The following UBAP2L variants were observed in gnomAD, a reference collection of about 807,000 sequenced individuals.
UBAP2L encodes the protein ubiquitin associated protein 2 like, also known as ubiquitin-associated protein 2-like.
UBAP2L carries 12 observed loss-of-function variants against 130.6 expected under a neutral mutation model. That is an observed-to-expected ratio of 0.09 (90% confidence interval 0.06 to 0.15). The LOEUF is 0.15. Ranked by LOEUF, UBAP2L falls within the 10% of genes least tolerant of loss-of-function variation. UBAP2L has a pLI of 1.00. For missense variants in UBAP2L, 965 were observed against 1,332.5 expected, an observed-to-expected ratio of 0.72 and a Z score of 4.29; for synonymous variants, 503 against 524.7, an observed-to-expected ratio of 0.96 and a Z score of 0.57.
chr1:154,252,650 C>T (rs1678134932), intron 14 of UBAP2L, among the ~76,000 whole-genome samples: 1 of 152,070 alleles, frequency 6.6e-6, no homozygotes, highest in South Asian at 2.1e-4. Context: ...ACCTCTGCCT[C>T]CCAGGTTTAA....
intron 10 of UBAP2L, 46 bp from the exon 11 acceptor site, chr1:154,246,158 G>A (rs760617285): frequency 1.3e-6 from 2 of 1,539,582 alleles, no homozygotes; most frequent in Admixed American, 1.9e-5. Context: ...GGGAATGTTA[G>A]CGTGTTCAGT....
chr1:154,270,404 C>G lies in UBAP2L; in HGVS notation c.*109C>G. Reference sequence around the variant, plus strand: ...AATGTGGGGGGTTTCCGCTGCCCCCCACCCCCAGCGGCCCACCCCATGCCT... The same window carrying G: ...AATGTGGGGGGTTTCCGCTGCCCCCGACCCCCAGCGGCCCACCCCATGCCT... On this transcript the variant is annotated 3_prime_UTR_variant, in exon 27 of 27. Coordinates refer to ENST00000428931, the MANE Select transcript of UBAP2L (RefSeq NM_014847.4). The G allele has an allele frequency of 6.5e-7, 1 of 1,541,548 alleles. No individual in the cohort carries two copies. The highest frequency in any genetic ancestry group is 2.4e-5 in the East Asian group (1 of 41,020).
chr1:154,241,885 C>A, intron 9 of UBAP2L: 2 of 451,784 alleles, frequency 4.4e-6, no homozygotes, highest in Non-Finnish European at 5.8e-6. Context: ...GCAGGTAGTG[C>A]ATTGAGTAAC....
At position 154,270,758 on chromosome 1, in the gene UBAP2L, GGTTTTTTTTTT is replaced by G. The variant is rs1471283295; in HGVS notation, c.*475_*485del. On this transcript the variant is annotated 3_prime_UTR_variant, in exon 27 of 27. Coordinates refer to ENST00000428931, the MANE Select transcript of UBAP2L (RefSeq NM_014847.4). ...CATTGTCAGATGAATTAGTTGAAGT[GGTTTTTTTTTT>G]GTTTTTTTTTTTTTTTTGTACTGTG... 5.9e-6 allele frequency: 8 copies of G among 1,351,974 alleles called. 1 individual carries two copies. The highest frequency in any genetic ancestry group is 6.4e-5 in the Admixed American group (2 of 31,482). The allele number at this position is 1,351,974 out of a possible 1,614,324, so 83.7% of individuals were successfully genotyped here. A position where few individuals can be genotyped will look rare whatever the true frequency, so the allele number is the denominator to read the frequency against.
At chr1:154,252,723 C>A (rs569266706) in intron 14 of UBAP2L, among the ~76,000 whole-genome samples, 35 of 151,786 alleles carry the variant, frequency 2.3e-4, no homozygotes, top group Non-Finnish European at 4.7e-4. Context: ...CCATGCCCAG[C>A]TAATTTTGTA....
In UBAP2L at chr1:154,246,111, A is replaced by G. The variant is rs189403597; in HGVS notation, c.843-93A>G. On this transcript the variant is annotated intron_variant, in intron 10 of 26. Coordinates refer to ENST00000428931, the MANE Select transcript of UBAP2L (RefSeq NM_014847.4). ...AACCCTTTTAGAAGAAGCCCCAGCA[A>G]GTGGCTTCATTTTGATCTAATCTGA... 52 of 1,383,752 alleles carry G rather than the reference A, an allele frequency of 3.8e-5. No individual in the cohort carries two copies. The African/African-American group carries it at 6.9e-4, about 18-fold the overall frequency. The allele number at this position is 1,383,752 out of a possible 1,614,324, so 85.7% of individuals were successfully genotyped here.
intron 11 of UBAP2L, among the ~76,000 whole-genome samples, chr1:154,247,189 T>TA (rs1675821301): frequency 6.6e-6 from 1 of 152,204 alleles, no homozygotes; most frequent in Non-Finnish European, 1.5e-5. Context: ...TTTTTCCAGT[T>TA]AGAGTAATTA....
Position 154,225,113 on chromosome 1 carries a change from A to G in UBAP2L, c.-11A>G. 1 of 1,613,782 alleles carries G rather than the reference A, an allele frequency of 6.2e-7. No homozygotes were observed. The highest frequency in any genetic ancestry group is 1.1e-5 in the South Asian group (1 of 91,074). ...CTACCTTGTAAATACTGTTATTTGT[A>G]TATACTGTAAATGATGACATCGGTG... is the stretch of plus-strand genomic sequence containing the variant. On this transcript the variant is annotated 5_prime_UTR_variant, in exon 2 of 27. Coordinates refer to ENST00000428931, the MANE Select transcript of UBAP2L (RefSeq NM_014847.4).
intron 23 of UBAP2L, among the ~76,000 whole-genome samples, chr1:154,261,373 TG>T (rs1470965606): frequency 6.6e-6 from 1 of 152,240 alleles, no homozygotes; most frequent in Non-Finnish European, 1.5e-5. Context: ...ATTCATTCCC[TG>T]CTGCCATTGT....
chr1:154,249,128 A>G lies in UBAP2L; in HGVS notation c.1015-111A>G, dbSNP rs16835909. 15,952 of 981,390 alleles carry G rather than the reference A, an allele frequency of 0.016. 1,637 individuals are homozygous for G. In the African/African-American group the frequency reaches 0.23, roughly 14 times the overall value. The allele number at this position is 981,390 out of a possible 1,614,324, so 60.8% of individuals were successfully genotyped here. On this transcript the variant is annotated intron_variant, in intron 11 of 26. Coordinates refer to ENST00000428931, the MANE Select transcript of UBAP2L (RefSeq NM_014847.4). Reference sequence around the variant, plus strand: ...TATGCTGTATACTCAGTGTGACAGTATTCTTTACTTGCCTGATCTATACTG... The same window carrying G: ...TATGCTGTATACTCAGTGTGACAGTGTTCTTTACTTGCCTGATCTATACTG...
Position 154,225,223 on chromosome 1 carries a change from C to A in UBAP2L, c.90+10C>A. The A allele has an allele frequency of 6.2e-7, 1 of 1,613,676 alleles. No individual in the cohort carries two copies. On this transcript the variant is annotated intron_variant, in intron 2 of 26. Coordinates refer to ENST00000428931, the MANE Select transcript of UBAP2L (RefSeq NM_014847.4). ...CAAGCAGCGGCCACAGGTAAATAAT[C>A]CAAGGCATACGGATTCATGGATAGC...
intron 11 of UBAP2L, among the ~76,000 whole-genome samples, chr1:154,248,268 A>G (rs1025183927): frequency 1.3e-5 from 2 of 152,122 alleles, no homozygotes; most frequent in African/African-American, 4.8e-5. Flanking sequence ...CATTCGGCCC[A>G]GTGATTACCC....
Position 154,235,655 on chromosome 1 carries a change from G to A in UBAP2L, c.544+364G>A, listed in dbSNP as rs565640360. Among the ~76,000 whole-genome samples the A allele has an allele frequency of 2.3e-4, 35 of 152,284 alleles. No individual in the cohort carries two copies. In the South Asian group the frequency reaches 7.3e-3, roughly 32 times the overall value. On this transcript the variant is annotated intron_variant, in intron 6 of 26. Coordinates refer to ENST00000428931, the MANE Select transcript of UBAP2L (RefSeq NM_014847.4). The stretch of plus-strand genomic sequence containing the variant: ...CTCCCAAGTAGCTGGGATTACAAGC[G>A]TGCGTCACTACGCCCAGCTAATTTT...
intron 8 of UBAP2L, among the ~76,000 whole-genome samples, chr1:154,237,667 T>G (rs1221537582): frequency 1.3e-5 from 2 of 152,194 alleles, no homozygotes; most frequent in Non-Finnish European, 2.9e-5. Flanking sequence ...TTTCCCTTTA[T>G]TTTTGGGACA....
chr1:154,235,385 C>G (rs985190746), intron 6 of UBAP2L, 94 bp downstream of exon 6: 2 of 616,922 alleles, frequency 3.2e-6, no homozygotes. Flanking sequence ...GAGGTAGTCT[C>G]ACTCTCACCC....
At chr1:154,260,814 CAT>C (rs774715386) in intron 22 of UBAP2L, 76 bp from the exon 23 acceptor site, 1 of 1,371,826 alleles carries the variant, frequency 7.3e-7, no homozygotes, top group Non-Finnish European at 1.0e-6. Context: ...CTCCTGGAAT[CAT>C]GTGAAATCAG....
At position 154,238,833 on chromosome 1, in the gene UBAP2L, T is replaced by G. The variant is rs919990283; in HGVS notation, c.703+1697T>G. ...TTGGCTCACTACAGCCTCTGCCTCCTGAGTTCAAGCTATTCTCATGTCTCA... is the reference window on the plus strand; with the variant it reads ...TTGGCTCACTACAGCCTCTGCCTCCGGAGTTCAAGCTATTCTCATGTCTCA... On this transcript the variant is annotated intron_variant, in intron 8 of 26. Transcript: ENST00000428931. Among the ~76,000 whole-genome samples, 8 of 152,048 alleles carry G rather than the reference T, an allele frequency of 5.3e-5. No homozygotes were observed. In the South Asian group the frequency reaches 8.3e-4, roughly 16 times the overall value.
At chr1:154,221,281 G>T (rs1328873231) in intron 1 of UBAP2L, 2 of 152,956 alleles carry the variant, frequency 1.3e-5, no homozygotes, top group Non-Finnish European at 2.9e-5. Context: ...CTCGATTTGG[G>T]AGCGTGGCCG....
intron 5 of UBAP2L, 111 bp from the exon 6 acceptor site, chr1:154,235,085 C>T (rs983587392): frequency 1.5e-6 from 1 of 676,060 alleles, no homozygotes; most frequent in African/African-American, 1.8e-5. Flanking sequence ...TTCCCAATAC[C>T]ATATTACATA....
Sources: gnomAD v4.1 joint callset for allele counts (sites outside exome capture counted in the v4.1 genomes callset) on GRCh38, gnomAD v4.1.1 for gene constraint, MANE v1.5 for transcripts, NCBI Gene and HGNC (gene_info 2026-07-23, HGNC 2026-07-21) for gene names.